Variants in GRIN2B observed in about 807,000 individuals in gnomAD.
GRIN2B encodes glutamate receptor ionotropic, NMDA 2B.
In GRIN2B, 5 loss-of-function variants were observed where a neutral mutation model predicts 114.5. The ratio of observed to expected loss-of-function variants is 0.04; its 90% CI spans 0.02 to 0.09. The LOEUF (loss-of-function observed/expected upper bound fraction) is 0.09. GRIN2B is among the 10% of genes least tolerant of loss of function. The pLI is 1.00. For missense variants in GRIN2B, 1,108 were observed against 1,943.5 expected, an observed-to-expected ratio of 0.57 and a Z score of 8.08; for synonymous variants, 787 against 745.1, an observed-to-expected ratio of 1.06 and a Z score of -0.92.
At chr12:13,794,592 C>T (rs1864384153) in intron 3 of GRIN2B, among the ~76,000 whole-genome samples, 1 of 152,200 alleles carries the variant, frequency 6.6e-6, no homozygotes, top group South Asian at 2.1e-4. Context: ...AATATGTCTC[C>T]AGCAAGAAAT....
chr12:13,820,112 A>T lies in GRIN2B; in HGVS notation c.411+45686T>A, dbSNP rs1448224216. 3.3e-5 allele frequency among the ~76,000 whole-genome samples: 5 copies of T among 152,170 alleles called. No individual in the cohort carries two copies. In the East Asian group the frequency reaches 9.6e-4, roughly 29 times the overall value. On this transcript the variant is annotated intron_variant, in intron 3 of 13. Coordinates refer to ENST00000609686, the MANE Select transcript of GRIN2B (RefSeq NM_000834.5). The stretch of plus-strand genomic sequence containing the variant: ...TTTCCAAAAGATTGTACCAAATTCC[A>T]AGAAATGCCAAAGAGGAAACAAACA...
intron 12 of GRIN2B, 83 bp downstream of exon 12, chr12:13,569,747 G>C: frequency 1.1e-6 from 1 of 886,972 alleles, no homozygotes; most frequent in Non-Finnish European, 1.8e-6. Flanking sequence ...ACAGGTTAAA[G>C]AAATGGAAGA....
chr12:13,868,455 TACACACACAC>T (rs71436778), intron 2 of GRIN2B, among the ~76,000 whole-genome samples: 5 of 148,894 alleles, frequency 3.4e-5, no homozygotes, highest in East Asian at 4.0e-4. Flanking sequence ...GTGGACAAAG[TACACACACAC>T]ACACACACAC....
intron 2 of GRIN2B, among the ~76,000 whole-genome samples, chr12:13,942,073 G>T (rs1375373703): frequency 6.6e-6 from 1 of 152,118 alleles, no homozygotes; most frequent in Non-Finnish European, 1.5e-5. Context: ...TGCTTTTACC[G>T]TCTTCCACGT....
Position 13,802,831 on chromosome 12 carries a change from C to T in GRIN2B, c.412-48916G>A, listed in dbSNP as rs139104188. ...ATCTGGTTAATTTTTTCCTTGTCTTCTAGTTTTTCTCAAATGTTCATGCAT... is the reference window on the plus strand; with the variant it reads ...ATCTGGTTAATTTTTTCCTTGTCTTTTAGTTTTTCTCAAATGTTCATGCAT... On this transcript the variant is annotated intron_variant, in intron 3 of 13. Coordinates refer to ENST00000609686, the MANE Select transcript of GRIN2B (RefSeq NM_000834.5). Among the ~76,000 whole-genome samples the T allele has an allele frequency of 3.3e-5, 5 of 152,156 alleles. No individual in the cohort carries two copies. The East Asian group carries it at 9.6e-4, about 29-fold the overall frequency.
At chr12:13,745,639 C>T (rs746584915) in intron 4 of GRIN2B, among the ~76,000 whole-genome samples, 2 of 152,206 alleles carry the variant, frequency 1.3e-5, no homozygotes, top group Admixed American at 6.5e-5. Flanking sequence ...TCCATCCTAC[C>T]ATCTATTCAT....
intron 4 of GRIN2B, among the ~76,000 whole-genome samples, chr12:13,742,017 G>A (rs1329118825): frequency 1.3e-5 from 2 of 152,116 alleles, no homozygotes; most frequent in Non-Finnish European, 2.9e-5. Flanking sequence ...GCTTTTTCTT[G>A]ATTATAGGAA....
chr12:13,651,948 T>C (rs1473244478), intron 5 of GRIN2B, among the ~76,000 whole-genome samples: 1 of 152,108 alleles, frequency 6.6e-6, no homozygotes, highest in East Asian at 1.9e-4. Flanking sequence ...ATTTGATCTG[T>C]TCATCCATTT....
In GRIN2B at chr12:13,569,848, G is replaced by A; in HGVS notation, c.2341C>T (p.Leu781=). The change falls in exon 12 of 14, where the codon CTG becomes TTG. Residue 781 remains leucine, a synonymous_variant. Transcript: ENST00000609686. ...GWKRQVDLAI[L]QLFGDGEMEE... Reference sequence around the variant, plus strand: ...AACTCACCATCTCCAAAGAGCTGCAGGATAGCAAGGTCCACCTGGCGCTTC... The same window carrying A: ...AACTCACCATCTCCAAAGAGCTGCAAGATAGCAAGGTCCACCTGGCGCTTC... 1.2e-6 allele frequency: 2 copies of A among 1,607,232 alleles called. No individual in the cohort carries two copies. The highest frequency in any genetic ancestry group is 1.7e-6 in the Non-Finnish European group (2 of 1,175,870).
intron 3 of GRIN2B, among the ~76,000 whole-genome samples, chr12:13,803,225 A>C (rs921137745): frequency 6.6e-6 from 1 of 152,150 alleles, no homozygotes; most frequent in Non-Finnish European, 1.5e-5. Context: ...CTTCCAGTAA[A>C]CAGTAGGCTG....
intron 3 of GRIN2B, among the ~76,000 whole-genome samples, chr12:13,833,803 T>C (rs976186842): frequency 1.3e-5 from 2 of 152,114 alleles, no homozygotes; most frequent in Admixed American, 6.6e-5. Context: ...CCACGGATTG[T>C]TAATGGCACA....
rs146561574 is a variant in GRIN2B at position 13,802,704 on chromosome 12, G to A, written c.412-48789C>T. ...TAAATTTTTTACATAAATAGAAAAGGACTAATACAAAACAGTATGTGCAAT... is the reference window on the plus strand; with the variant it reads ...TAAATTTTTTACATAAATAGAAAAGAACTAATACAAAACAGTATGTGCAAT... On this transcript the variant is annotated intron_variant, in intron 3 of 13. Transcript: ENST00000609686. 7.7e-3 allele frequency among the ~76,000 whole-genome samples: 1,165 copies of A among 152,120 alleles called. 24 individuals are homozygous for A. The highest frequency in any genetic ancestry group is 0.027 in the African/African-American group (1,118 of 41,498).
Position 13,567,274 on chromosome 12 carries a change from G to A in GRIN2B, c.2360-11C>T, listed in dbSNP as rs1948653583. Reference sequence around the variant, plus strand: ...GTTCTTCCATCTCCCCTGGGGAAAGGACAGAGAAGGAAAATGGATAAAAAG... The same window carrying A: ...GTTCTTCCATCTCCCCTGGGGAAAGAACAGAGAAGGAAAATGGATAAAAAG... On this transcript the variant is annotated splice_polypyrimidine_tract_variant and intron_variant, in intron 12 of 13. Coordinates refer to ENST00000609686, the MANE Select transcript of GRIN2B (RefSeq NM_000834.5). 2 of 1,583,684 alleles carry A rather than the reference G, an allele frequency of 1.3e-6. No homozygotes were observed. The highest frequency in any genetic ancestry group is 2.7e-5 in the African/African-American group (2 of 74,298).
intron 2 of GRIN2B, among the ~76,000 whole-genome samples, chr12:13,889,232 A>G (rs1229273749): frequency 6.6e-6 from 1 of 152,124 alleles, no homozygotes; most frequent in East Asian, 1.9e-4. Context: ...TCTTAGCTCC[A>G]TTATCATCTT....
rs555678461 is a variant in GRIN2B at position 13,804,605 on chromosome 12, A to G, written c.412-50690T>C. Among the ~76,000 whole-genome samples, 10 of 152,142 alleles carry G rather than the reference A, an allele frequency of 6.6e-5. 1 individual carries two copies. The highest frequency in any genetic ancestry group is 2.2e-4 in the African/African-American group (9 of 41,532). On this transcript the variant is annotated intron_variant, in intron 3 of 13. Transcript: ENST00000609686. ...AGGGAACCTGTAGAATTCAAATAAC[A>G]TTTTCTCCAGTGTGCTTTCTCTGGT... is the stretch of plus-strand genomic sequence containing the variant.
intron 10 of GRIN2B, among the ~76,000 whole-genome samples, chr12:13,595,931 G>A (rs946795737): frequency 1.3e-5 from 2 of 152,024 alleles, no homozygotes; most frequent in Non-Finnish European, 2.9e-5. Flanking sequence ...ACCCTATGTG[G>A]TGTATGTGCT....
At chr12:13,893,915 A>G (rs1866310120) in intron 2 of GRIN2B, among the ~76,000 whole-genome samples, 1 of 152,238 alleles carries the variant, frequency 6.6e-6, no homozygotes, top group African/African-American at 2.4e-5. Flanking sequence ...TTTAAAATAT[A>G]CTGTAGATAT....
intron 4 of GRIN2B, among the ~76,000 whole-genome samples, chr12:13,719,547 ATGG>A (rs1348745253): frequency 1.3e-5 from 2 of 152,084 alleles, no homozygotes; most frequent in East Asian, 3.9e-4. Flanking sequence ...GAGAAGCTAC[ATGG>A]TGGTACCTGA....
At chr12:13,603,406 G>C (rs1002033269) in intron 10 of GRIN2B, among the ~76,000 whole-genome samples, 1 of 152,210 alleles carries the variant, frequency 6.6e-6, no homozygotes, top group East Asian at 1.9e-4. Flanking sequence ...AAACAGGGTG[G>C]CACACTGTTC....
Sources: gnomAD v4.1 joint callset for allele counts (sites outside exome capture counted in the v4.1 genomes callset) on GRCh38, gnomAD v4.1.1 for gene constraint, MANE v1.5 for transcripts, NCBI Gene and HGNC (gene_info 2026-07-23, HGNC 2026-07-21) for gene names.